The following TAB2 variants were observed in gnomAD, a reference collection of about 807,000 sequenced individuals.
TAB2 encodes TGF-beta-activated kinase 1 and MAP3K7-binding protein 2.
A neutral mutation model predicts 65.0 loss-of-function variants in TAB2; 3 were observed. The observed-to-expected ratio is 0.05, with a 90% CI of 0.02 to 0.12. The LOEUF is 0.12. Among genes scored for constraint, TAB2 ranks in the 10% least tolerant of loss-of-function variants. The pLI, the probability that TAB2 is intolerant of heterozygous loss-of-function variation, is 1.00. For missense variants in TAB2, 623 were observed against 840.3 expected, an observed-to-expected ratio of 0.74 and a Z score of 3.20; for synonymous variants, 298 against 285.1, an observed-to-expected ratio of 1.05 and a Z score of -0.46.
chr6:149,340,034 C>T (rs552951938), intron 1 of TAB2, among the ~76,000 whole-genome samples: 4 of 152,146 alleles, frequency 2.6e-5, no homozygotes, highest in African/African-American at 7.2e-5. Context: ...ATTATTTGAA[C>T]TTTATGTTTT....
chr6:149,265,866 C>T (rs1297764010), intron 1 of TAB2, among the ~76,000 whole-genome samples: 3 of 152,182 alleles, frequency 2.0e-5, no homozygotes, highest in Admixed American at 6.5e-5. Context: ...CATAAATTCT[C>T]TTCTCCAGCC....
chr6:149,292,646 G>T (rs144117416), intron 1 of TAB2, among the ~76,000 whole-genome samples: 211 of 151,196 alleles, frequency 1.4e-3, no homozygotes, highest in African/African-American at 4.9e-3. Flanking sequence ...GCATAAAAAT[G>T]ACATATAGAA....
At chr6:149,257,833 G>A (rs929708618) in intron 1 of TAB2, among the ~76,000 whole-genome samples, 11 of 152,044 alleles carry the variant, frequency 7.2e-5, no homozygotes, top group African/African-American at 2.2e-4. Flanking sequence ...ACAAGCGAGG[G>A]CAAGTGAATG....
chr6:149,311,694 A>G (rs1339961155), intron 1 of TAB2, among the ~76,000 whole-genome samples: 1 of 46,380 alleles, frequency 2.2e-5, no homozygotes, highest in Non-Finnish European at 5.7e-5. Flanking sequence ...TAAATTTTGT[A>G]TGCCCCAAAT....
At chr6:149,381,906 G>T (rs1352762387) in intron 3 of TAB2, among the ~76,000 whole-genome samples, 1 of 151,864 alleles carries the variant, frequency 6.6e-6, no homozygotes, top group African/African-American at 2.4e-5. Flanking sequence ...TCACTACTGT[G>T]GTCTCAGCAA....
At chr6:149,299,927 G>A (rs1346359253) in intron 1 of TAB2, among the ~76,000 whole-genome samples, 3 of 151,970 alleles carry the variant, frequency 2.0e-5, no homozygotes, top group Non-Finnish European at 4.4e-5. Context: ...AGGATCACTT[G>A]AGCCCAGGAA....
intron 6 of TAB2, among the ~76,000 whole-genome samples, chr6:149,399,540 C>G (rs1469281748): frequency 6.9e-6 from 1 of 144,756 alleles, no homozygotes; most frequent in Non-Finnish European, 1.5e-5. Flanking sequence ...TCCCCCCCCC[C>G]ATGAGTATTT....
At chr6:149,313,824 G>A (rs568555247), upstream of TAB2, among the ~76,000 whole-genome samples, 4 of 152,304 alleles carry the variant, frequency 2.6e-5, no homozygotes, top group East Asian at 5.8e-4. Context: ...GATGGGAGAG[G>A]AAGGGAAAGG....
chr6:149,284,645 T>TACACACACACACAC (rs59723819), intron 1 of TAB2, among the ~76,000 whole-genome samples: 5 of 141,526 alleles, frequency 3.5e-5, no homozygotes, highest in African/African-American at 1.3e-4. Flanking sequence ...ATGATCTCTT[T>TACACACACACACAC]ACACACACAC....
At chr6:149,283,997 C>T (rs1041019226) in intron 1 of TAB2, among the ~76,000 whole-genome samples, 1 of 152,076 alleles carries the variant, frequency 6.6e-6, no homozygotes, top group Non-Finnish European at 1.5e-5. Flanking sequence ...AACATCCTTC[C>T]CTCCCATTTG....
intron 1 of TAB2, among the ~76,000 whole-genome samples, chr6:149,261,291 G>A (rs1036827841): frequency 2.0e-5 from 3 of 152,142 alleles, no homozygotes; most frequent in African/African-American, 7.2e-5. Flanking sequence ...TGTAAAAGCA[G>A]TTTCAGAAAG....
chr6:149,404,522 C>G (rs1782597075), intron 6 of TAB2, among the ~76,000 whole-genome samples: 1 of 152,178 alleles, frequency 6.6e-6, no homozygotes, highest in South Asian at 2.1e-4. Context: ...ATCACATTCC[C>G]TGATTTTTAA....
intron 6 of TAB2, among the ~76,000 whole-genome samples, chr6:149,406,788 G>A (rs1046008454): frequency 2.0e-5 from 3 of 151,992 alleles, no homozygotes; most frequent in East Asian, 1.9e-4. Context: ...GCGCAATCTC[G>A]GCTCACCACA....
At chr6:149,318,273 C>CGG (rs3056974) in intron 1 of TAB2, among the ~76,000 whole-genome samples, 10,137 of 145,826 alleles carry the variant, frequency 0.07, 570 homozygotes, top group Non-Finnish European at 0.1. Context: ...GGCGTCCGTG[C>CGG]GGGGGGGGAG....
At chr6:149,371,114 A>G (rs1449685913) in intron 2 of TAB2, among the ~76,000 whole-genome samples, 2 of 149,466 alleles carry the variant, frequency 1.3e-5, no homozygotes, top group African/African-American at 4.9e-5. Context: ...AGTCAAGCAT[A>G]TTTACTCTTG....
chr6:149,332,495 G>T (rs1779814086), intron 1 of TAB2, among the ~76,000 whole-genome samples: 1 of 152,116 alleles, frequency 6.6e-6, no homozygotes, highest in African/African-American at 2.4e-5. Flanking sequence ...GAGGTGATTT[G>T]GGGATGGATA....
intron 1 of TAB2, among the ~76,000 whole-genome samples, chr6:149,346,807 A>G (rs370903538): frequency 6.6e-6 from 1 of 152,176 alleles, no homozygotes; most frequent in East Asian, 1.9e-4. Flanking sequence ...TTAAATTAAT[A>G]TTTAACCAAC....
At chr6:149,331,917 T>C (rs1178628708) in intron 1 of TAB2, among the ~76,000 whole-genome samples, 33 of 152,192 alleles carry the variant, frequency 2.2e-4, no homozygotes, top group Non-Finnish European at 4.4e-5. Flanking sequence ...TTAGAAATTA[T>C]TGTCATACTT....
At chr6:149,392,727 G>A (rs7349921) in intron 3 of TAB2, among the ~76,000 whole-genome samples, 35,892 of 152,056 alleles carry the variant, frequency 0.24, 4,423 homozygotes, top group Non-Finnish European at 0.26. Context: ...TTTCTTAATT[G>A]TTGGTGGATT....
Sources: gnomAD v4.1 joint callset for allele counts (sites outside exome capture counted in the v4.1 genomes callset) on GRCh38, gnomAD v4.1.1 for gene constraint, MANE v1.5 for transcripts, NCBI Gene and HGNC (gene_info 2026-07-23, HGNC 2026-07-21) for gene names.